GRID2: variants seen among roughly 807,000 people sequenced by gnomAD.
GRID2 encodes the protein glutamate receptor ionotropic, delta-2.
In GRID2, 33 loss-of-function variants were observed where a neutral mutation model predicts 114.8. The observed-to-expected ratio is 0.29, with a 90% CI of 0.22 to 0.38. The LOEUF (loss-of-function observed/expected upper bound fraction) is 0.38. Ranked by LOEUF, GRID2 falls within the 10% of genes least tolerant of loss-of-function variation. GRID2 has a pLI of 1.00. For synonymous variants in GRID2, 505 were observed against 449.9 expected (o/e 1.12, Z -1.55); for missense variants, 1,184 against 1,257.7 (o/e 0.94, Z 0.89).
intron 6 of GRID2, among the ~76,000 whole-genome samples, chr4:93,218,562 C>T (rs1744504861): frequency 6.6e-6 from 1 of 152,222 alleles, no homozygotes; most frequent in South Asian, 2.1e-4. Flanking sequence ...GTACTCATAA[C>T]GTGCTTCTCT....
intron 1 of GRID2, among the ~76,000 whole-genome samples, chr4:92,386,633 A>G (rs1419940119): frequency 6.6e-6 from 1 of 151,472 alleles, no homozygotes; most frequent in African/African-American, 2.4e-5. Flanking sequence ...AGGCAATTTT[A>G]GAAATTAAAA....
intron 1 of GRID2, among the ~76,000 whole-genome samples, chr4:92,461,040 T>A (rs993933132): frequency 8.6e-5 from 13 of 151,774 alleles, no homozygotes; most frequent in African/African-American, 3.1e-4. Context: ...AATTTCTGTC[T>A]ATTGTTTTAA....
At chr4:92,464,892 G>C (rs1258895083) in intron 1 of GRID2, among the ~76,000 whole-genome samples, 1 of 152,110 alleles carries the variant, frequency 6.6e-6, no homozygotes, top group Non-Finnish European at 1.5e-5. Context: ...GAGGTGATTG[G>C]ATCACGGGGG....
At chr4:92,431,104 CT>C (rs1218927679) in intron 1 of GRID2, among the ~76,000 whole-genome samples, 2 of 152,146 alleles carry the variant, frequency 1.3e-5, no homozygotes, top group Admixed American at 6.5e-5. Context: ...ATATATTTCT[CT>C]TGTCTGATTG....
chr4:92,358,887 C>G (rs1023440739), intron 1 of GRID2, among the ~76,000 whole-genome samples: 3 of 151,798 alleles, frequency 2.0e-5, no homozygotes, highest in African/African-American at 7.3e-5. Flanking sequence ...ATGCTGTATT[C>G]TAATATGCAT....
intron 1 of GRID2, among the ~76,000 whole-genome samples, chr4:92,343,384 A>G (rs899750482): frequency 2.0e-5 from 3 of 152,080 alleles, no homozygotes; most frequent in South Asian, 2.1e-4. Flanking sequence ...TGTATTTACA[A>G]TTAACCCTTG....
intron 14 of GRID2, among the ~76,000 whole-genome samples, chr4:93,715,789 G>A (rs1010360515): frequency 6.6e-6 from 1 of 152,168 alleles, no homozygotes; most frequent in Non-Finnish European, 1.5e-5. Flanking sequence ...TTTGTATCCT[G>A]AGACTGCTGA....
chr4:93,537,450 A>C (rs1732210293), intron 13 of GRID2, among the ~76,000 whole-genome samples: 1 of 151,922 alleles, frequency 6.6e-6, no homozygotes, highest in African/African-American at 2.4e-5. Context: ...AACATGGTAA[A>C]AAGTGATAAT....
chr4:92,333,621 T>A (rs1266436659), intron 1 of GRID2, among the ~76,000 whole-genome samples: 2 of 152,158 alleles, frequency 1.3e-5, no homozygotes, highest in Non-Finnish European at 2.9e-5. Context: ...ATAAATTATA[T>A]CTTTAAATAA....
intron 2 of GRID2, among the ~76,000 whole-genome samples, chr4:93,073,563 A>T (rs1166508268): frequency 1.3e-5 from 2 of 152,088 alleles, no homozygotes; most frequent in Non-Finnish European, 2.9e-5. Flanking sequence ...GTGGGGGTTG[A>T]CACTTCTAAA....
intron 1 of GRID2, among the ~76,000 whole-genome samples, chr4:92,334,956 A>G (rs1368299388): frequency 6.6e-6 from 1 of 152,188 alleles, no homozygotes; most frequent in Non-Finnish European, 1.5e-5. Flanking sequence ...TAGAGTTTTC[A>G]TTATACGAGC....
chr4:92,612,967 T>C (rs1560489203), intron 2 of GRID2, among the ~76,000 whole-genome samples: 2 of 151,516 alleles, frequency 1.3e-5, no homozygotes, highest in East Asian at 3.9e-4. Flanking sequence ...CAATGGTGAA[T>C]GGAATTTTGA....
chr4:92,937,774 A>T (rs1279478707), intron 2 of GRID2, among the ~76,000 whole-genome samples: 3 of 146,732 alleles, frequency 2.0e-5, no homozygotes, highest in Non-Finnish European at 3.0e-5. Flanking sequence ...TACGGATTGC[A>T]TTGAGCCTGT....
In GRID2 at chr4:93,644,169, G is replaced by GCTCGCGCACGGTGCGCACACA. The variant is rs1471532251; in HGVS notation, c.2360+17736_2360+17756dup. On this transcript the variant is annotated intron_variant, in intron 14 of 15. Coordinates refer to ENST00000282020, the MANE Select transcript of GRID2 (RefSeq NM_001510.4). ...TGAGGCAATGCCTCGCCCTGCTTCG[G>GCTCGCGCACGGTGCGCACACA]CTCGCGCACGGTGCGCACACACACT... is the stretch of plus-strand genomic sequence containing the variant. Among the ~76,000 whole-genome samples, 3 of 88,464 alleles carry GCTCGCGCACGGTGCGCACACA rather than the reference G, an allele frequency of 3.4e-5. No individual in the cohort carries two copies. In the East Asian group the frequency reaches 6.8e-4, roughly 20 times the overall value. 58.0% of individuals were successfully genotyped at this position (88,464 alleles called of 152,430 possible). A position where few individuals can be genotyped will look rare whatever the true frequency, so the allele number is the denominator to read the frequency against.
intron 2 of GRID2, among the ~76,000 whole-genome samples, chr4:92,811,454 G>A (rs1740660023): frequency 6.6e-6 from 1 of 151,960 alleles, no homozygotes; most frequent in South Asian, 2.1e-4. Flanking sequence ...CAAAATGTGA[G>A]GGAGGACATT....
chr4:92,752,689 T>C (rs1737510747), intron 2 of GRID2, among the ~76,000 whole-genome samples: 2 of 152,242 alleles, frequency 1.3e-5, no homozygotes, highest in African/African-American at 2.4e-5. Context: ...CTTTTTAAAC[T>C]GCTAGTAGCT....
chr4:93,524,709 G>A (rs567483368), intron 13 of GRID2, among the ~76,000 whole-genome samples: 1 of 148,916 alleles, frequency 6.7e-6, no homozygotes, highest in South Asian at 2.1e-4. Context: ...AAGTTTTATA[G>A]CAGACAAATC....
chr4:92,595,770 A>T (rs1010346294), intron 2 of GRID2, among the ~76,000 whole-genome samples: 3 of 152,144 alleles, frequency 2.0e-5, no homozygotes, highest in African/African-American at 7.2e-5. Context: ...GGAAATTAGC[A>T]CAGTCAGAAA....
At chr4:92,490,810 A>G (rs576007082) in intron 1 of GRID2, among the ~76,000 whole-genome samples, 2 of 152,240 alleles carry the variant, frequency 1.3e-5, no homozygotes, top group East Asian at 3.9e-4. Context: ...CTCAAATTCA[A>G]TGTTAACCTT....
Sources: allele counts gnomAD v4.1 joint callset (sites outside exome capture counted in the v4.1 genomes callset), GRCh38; gene constraint gnomAD v4.1.1; transcripts MANE v1.5; gene names NCBI Gene and HGNC (gene_info 2026-07-23, HGNC 2026-07-21).